Variants in CYP19A1 observed in about 807,000 individuals in gnomAD.
The protein encoded by CYP19A1 is aromatase.
In CYP19A1, 32 loss-of-function variants were observed where a neutral mutation model predicts 44.4. That is an observed-to-expected ratio of 0.72 (90% confidence interval 0.54 to 0.97). The LOEUF is 0.97. Among genes scored for constraint, CYP19A1 ranks in the 50% least tolerant of loss-of-function variants. The pLI, the probability that CYP19A1 is intolerant of heterozygous loss-of-function variation, is 0.00. For synonymous variants in CYP19A1, 212 were observed against 215.6 expected (o/e 0.98, Z 0.14); for missense variants, 598 against 637.8 (o/e 0.94, Z 0.67).
Position 51,212,451 on chromosome 15 carries a change from A to C in CYP19A1, c.1132T>G (p.Leu378Val), listed in dbSNP as rs946880910. ...PVVDLVMRKA[L>V]EDDVIDGYPV... ...TAGCCATCGATTACATCATCTTCTA[A>C]GGCTTTGCGCATGACCAAGTCCACG... is the stretch of plus-strand genomic sequence containing the variant. Residue 378 changes from leucine (L) to valine (V), a missense_variant, in exon 9 of 10, where the codon TTA (leucine) becomes GTA (valine). Transcript: ENST00000396402. The C allele has an allele frequency of 2.9e-5, 46 of 1,610,764 alleles. No individual in the cohort carries two copies. The highest frequency in any genetic ancestry group is 3.8e-5 in the Non-Finnish European group (45 of 1,177,104).
chr15:51,241,822 A>G (rs966916918), intron 2 of CYP19A1, among the ~76,000 whole-genome samples: 1 of 152,204 alleles, frequency 6.6e-6, no homozygotes, highest in African/African-American at 2.4e-5. Context: ...ATTATCTGGA[A>G]TGTTAAAAAG....
intron 1 of CYP19A1, among the ~76,000 whole-genome samples, chr15:51,260,635 G>A (rs1426498819): frequency 6.6e-6 from 1 of 152,184 alleles, no homozygotes; most frequent in Non-Finnish European, 1.5e-5. Context: ...GAATTCCTAA[G>A]CCTAGCTGGG....
intron 1 of CYP19A1, among the ~76,000 whole-genome samples, chr15:51,323,398 T>C (rs927241064): frequency 2.0e-5 from 3 of 151,892 alleles, no homozygotes; most frequent in African/African-American, 7.3e-5. Flanking sequence ...GTAAAGTAAA[T>C]AGTAGAACTT....
chr15:51,325,699 G>A (rs562385595), intron 1 of CYP19A1, among the ~76,000 whole-genome samples: 41 of 152,070 alleles, frequency 2.7e-4, no homozygotes, highest in Admixed American at 3.3e-4. Flanking sequence ...TTAGCTGGGC[G>A]TGGTGGCACA....
chr15:51,244,203 C>T lies in CYP19A1; in HGVS notation c.-38-1253G>A, dbSNP rs530049292. Among the ~76,000 whole-genome samples, 4 of 152,332 alleles carry T rather than the reference C, an allele frequency of 2.6e-5. No individual in the cohort carries two copies. The South Asian group carries it at 6.2e-4, about 24-fold the overall frequency. On this transcript the variant is annotated intron_variant, in intron 1 of 9. Transcript: ENST00000396402. ...ACATTCTAGTGGAGAAAGGCCATAACTTTCATCAGATTCTTAAGGAGTATG... is the reference window on the plus strand; with the variant it reads ...ACATTCTAGTGGAGAAAGGCCATAATTTTCATCAGATTCTTAAGGAGTATG...
At chr15:51,282,482 C>T (rs1408705680) in intron 1 of CYP19A1, among the ~76,000 whole-genome samples, 1 of 152,234 alleles carries the variant, frequency 6.6e-6, no homozygotes, top group South Asian at 2.1e-4. Flanking sequence ...TGTGCTTGCC[C>T]TTTTGACCCA....
At chr15:51,213,443 G>A (rs1018541376) in intron 8 of CYP19A1, among the ~76,000 whole-genome samples, 5 of 152,180 alleles carry the variant, frequency 3.3e-5, no homozygotes, top group Non-Finnish European at 7.3e-5. Flanking sequence ...CTGAGGAAAG[G>A]TCTAGTTTGG....
chr15:51,234,404 G>A (rs1007381425), intron 3 of CYP19A1, among the ~76,000 whole-genome samples: 1 of 152,174 alleles, frequency 6.6e-6, no homozygotes, highest in South Asian at 2.1e-4. Context: ...AGTCGGTCGG[G>A]GTTGTTGGAG....
At chr15:51,244,980 G>T (rs1434837163) in intron 1 of CYP19A1, among the ~76,000 whole-genome samples, 1 of 152,162 alleles carries the variant, frequency 6.6e-6, no homozygotes, top group African/African-American at 2.4e-5. Context: ...ATGTTGCATT[G>T]TTTCTAATGT....
At chr15:51,302,500 T>C (rs2036135505) in intron 1 of CYP19A1, among the ~76,000 whole-genome samples, 1 of 152,228 alleles carries the variant, frequency 6.6e-6, no homozygotes, top group Admixed American at 6.5e-5. Context: ...CCTATTTTCA[T>C]CAGGGCAATG....
chr15:51,321,335 G>T (rs929530926), intron 1 of CYP19A1, among the ~76,000 whole-genome samples: 2 of 152,040 alleles, frequency 1.3e-5, no homozygotes, highest in African/African-American at 2.4e-5. Flanking sequence ...TACTGTTGGG[G>T]GAGCCCACCA....
chr15:51,276,421 C>T (rs1324444306), intron 1 of CYP19A1, among the ~76,000 whole-genome samples: 1 of 152,212 alleles, frequency 6.6e-6, no homozygotes, highest in Non-Finnish European at 1.5e-5. Flanking sequence ...ACTTAGCTGC[C>T]ACTTGCAATA....
Position 51,222,540 on chromosome 15 carries a change from TC to T in CYP19A1, c.452-16del, listed in dbSNP as rs1173903684. 2 of 1,609,414 alleles carry T rather than the reference TC, an allele frequency of 1.2e-6. No individual in the cohort carries two copies. The highest frequency in any genetic ancestry group is 1.7e-6 in the Non-Finnish European group (2 of 1,176,738). On this transcript the variant is annotated splice_polypyrimidine_tract_variant and intron_variant, in intron 4 of 9. Coordinates refer to ENST00000396402, the MANE Select transcript of CYP19A1 (RefSeq NM_000103.4). Reference sequence around the variant, plus strand: ...GCCTGACAGAGCTGCAGAGTACACATCAGAGAATCAGCCATCACGAACTCCA... The same window carrying T: ...GCCTGACAGAGCTGCAGAGTACACATAGAGAATCAGCCATCACGAACTCCA...
chr15:51,298,867 C>G (rs980466330), intron 1 of CYP19A1, among the ~76,000 whole-genome samples: 4 of 152,148 alleles, frequency 2.6e-5, no homozygotes, highest in African/African-American at 7.2e-5. Context: ...AAAGAATCAC[C>G]CCTGGGATAA....
intron 2 of CYP19A1, among the ~76,000 whole-genome samples, chr15:51,241,333 G>C (rs61018102): frequency 0.36 from 54,994 of 152,090 alleles, 11,545 homozygotes; most frequent in Non-Finnish European, 0.47. Flanking sequence ...AAAAAGTCAG[G>C]AGCAGGGTCC....
At position 51,210,410 on chromosome 15, in the gene CYP19A1, A is replaced by C. The variant is rs1355828534; in HGVS notation, c.*398T>G. The C allele has an allele frequency of 3.9e-6, 2 of 507,930 alleles. No individual in the cohort carries two copies. The highest frequency in any genetic ancestry group is 7.7e-6 in the Non-Finnish European group (2 of 258,874). The allele number at this position is 507,930 out of a possible 1,614,324, so 31.5% of individuals were successfully genotyped here. A position where few individuals can be genotyped will look rare whatever the true frequency, so the allele number is the denominator to read the frequency against. ...ACCCTGACATTGGCCTGGTCTTTCTAATCAACTTGAGTGTTTCTGCCCCAG... is the reference window on the plus strand; with the variant it reads ...ACCCTGACATTGGCCTGGTCTTTCTCATCAACTTGAGTGTTTCTGCCCCAG... On this transcript the variant is annotated 3_prime_UTR_variant, in exon 10 of 10. Coordinates refer to ENST00000396402, the MANE Select transcript of CYP19A1 (RefSeq NM_000103.4).
At chr15:51,248,773 C>T (rs896637583) in intron 1 of CYP19A1, among the ~76,000 whole-genome samples, 1 of 152,048 alleles carries the variant, frequency 6.6e-6, no homozygotes, top group African/African-American at 2.4e-5. Context: ...GCTTTTATTC[C>T]CCATTGTAAA....
At chr15:51,313,239 A>C (rs1293037981) in intron 1 of CYP19A1, 1 of 152,252 alleles carries the variant, frequency 6.6e-6, no homozygotes, top group Non-Finnish European at 1.5e-5. Context: ...GCAAGGGAAT[A>C]GGCCTTCTCT....
At chr15:51,320,564 C>T (rs2036510100) in intron 1 of CYP19A1, among the ~76,000 whole-genome samples, 1 of 152,218 alleles carries the variant, frequency 6.6e-6, no homozygotes, top group Admixed American at 6.5e-5. Context: ...TTCTGAAGCT[C>T]CTTGTGGCCC....
Sources: allele counts gnomAD v4.1 joint callset (sites outside exome capture counted in the v4.1 genomes callset), GRCh38; gene constraint gnomAD v4.1.1; transcripts MANE v1.5; gene names NCBI Gene and HGNC (gene_info 2026-07-23, HGNC 2026-07-21).